The following TUSC3 variants were observed in gnomAD, a reference collection of about 807,000 sequenced individuals.
The protein encoded by TUSC3 is dolichyl-diphosphooligosaccharide--protein glycosyltransferase subunit TUSC3.
Under a neutral mutation model 44.8 loss-of-function variants are expected in TUSC3, and 45 were observed. The observed-to-expected ratio is 1.00, with a 90% confidence interval of 0.79 to 1.29. TUSC3 has a LOEUF of 1.29. Among genes scored for constraint, TUSC3 ranks in the 50% most tolerant of loss-of-function variants. TUSC3 has a pLI of 0.00. For synonymous variants in TUSC3, 212 were observed against 152.9 expected, an observed-to-expected ratio of 1.39 and a Z score of -2.85; for missense variants, 519 against 437.9, an observed-to-expected ratio of 1.19 and a Z score of -1.65.
intron 1 of TUSC3, among the ~76,000 whole-genome samples, chr8:15,432,039 G>A (rs925236063): frequency 6.6e-6 from 1 of 151,620 alleles, no homozygotes; most frequent in South Asian, 2.1e-4. Context: ...GAGGATTTTT[G>A]TATCTGTGTT....
At chr8:15,521,087 G>A (rs779938394) in intron 2 of TUSC3, among the ~76,000 whole-genome samples, 1 of 152,160 alleles carries the variant, frequency 6.6e-6, no homozygotes, top group Non-Finnish European at 1.5e-5. Context: ...TACATACAGG[G>A]CATTCCTGGA....
the TUSC3 span, among the ~76,000 whole-genome samples, chr8:15,778,107 AAAAAC>A: frequency 3.0e-4 from 31 of 104,510 alleles, no homozygotes; most frequent in South Asian, 7.1e-4. Context: ...GGCAAAAAAA[AAAAAC>A]AAAAAACCAA....
chr8:15,614,766 A>G (rs1804918265), intron 1 of TUSC3, among the ~76,000 whole-genome samples: 1 of 152,138 alleles, frequency 6.6e-6, no homozygotes, highest in Non-Finnish European at 1.5e-5. Context: ...TGCCTTGGAC[A>G]TAGTAATCTG....
chr8:15,743,968 T>C (rs1811300786), intron 8 of TUSC3, among the ~76,000 whole-genome samples: 1 of 152,164 alleles, frequency 6.6e-6, no homozygotes, highest in East Asian at 1.9e-4. Context: ...TATTGGCATG[T>C]AACATATTCC....
At chr8:15,456,140 T>A (rs1278091077) in intron 1 of TUSC3, among the ~76,000 whole-genome samples, 4 of 152,178 alleles carry the variant, frequency 2.6e-5, no homozygotes, top group Admixed American at 2.0e-4. Flanking sequence ...TCCTCACTCC[T>A]TTCCTCACAC....
the TUSC3 span, among the ~76,000 whole-genome samples, chr8:15,782,610 T>A: frequency 6.6e-6 from 1 of 152,332 alleles, no homozygotes; most frequent in Non-Finnish European, 1.5e-5. Flanking sequence ...TAATTCACCA[T>A]ATTAACAGAA....
chr8:15,722,985 G>A (rs1457077163), intron 6 of TUSC3, among the ~76,000 whole-genome samples: 1 of 152,076 alleles, frequency 6.6e-6, no homozygotes, highest in Non-Finnish European at 1.5e-5. Context: ...CTCATTAGTA[G>A]TACAAATTTC....
chr8:15,438,933 C>G (rs193002286), intron 1 of TUSC3, among the ~76,000 whole-genome samples: 1 of 152,062 alleles, frequency 6.6e-6, no homozygotes, highest in Non-Finnish European at 1.5e-5. Context: ...ATGGTGTGGT[C>G]GCAAGGAGAG....
intron 1 of TUSC3, among the ~76,000 whole-genome samples, chr8:15,601,584 A>T (rs1260986583): frequency 6.6e-6 from 1 of 151,752 alleles, no homozygotes; most frequent in African/African-American, 2.4e-5. Flanking sequence ...GGTTACTTCC[A>T]TAATTATTTA....
At chr8:15,840,526 A>T in the TUSC3 span, among the ~76,000 whole-genome samples, 1 of 152,196 alleles carries the variant, frequency 6.6e-6, no homozygotes, top group Non-Finnish European at 1.5e-5. Flanking sequence ...AAATTATTTT[A>T]AAATGTCAAT....
At chr8:15,491,437 A>G (rs1447814090) in intron 2 of TUSC3, among the ~76,000 whole-genome samples, 3 of 148,316 alleles carry the variant, frequency 2.0e-5, no homozygotes, top group African/African-American at 4.9e-5. Context: ...CAGGATCCCA[A>G]TTTTTTTTTT....
chr8:15,768,409 A>C (rs563180501), downstream of TUSC3, among the ~76,000 whole-genome samples: 26 of 152,242 alleles, frequency 1.7e-4, no homozygotes, highest in South Asian at 4.8e-3. Context: ...TTAAAACATG[A>C]GGCATATGAA....
At chr8:15,604,983 C>A (rs749122960) in intron 1 of TUSC3, among the ~76,000 whole-genome samples, 1 of 151,758 alleles carries the variant, frequency 6.6e-6, no homozygotes, top group Non-Finnish European at 1.5e-5. Flanking sequence ...TAAAGAGATA[C>A]ATAAAACTCT....
At chr8:15,587,516 A>T (rs142298720) in intron 1 of TUSC3, among the ~76,000 whole-genome samples, 116 of 152,290 alleles carry the variant, frequency 7.6e-4, no homozygotes, top group African/African-American at 2.7e-3. Context: ...CAATGATCAA[A>T]TCAGGGTAAT....
the TUSC3 span, among the ~76,000 whole-genome samples, chr8:15,808,705 C>A: frequency 1.3e-5 from 2 of 152,084 alleles, no homozygotes; most frequent in Admixed American, 1.3e-4. Flanking sequence ...AGTGGCTTCT[C>A]CATTTTTGAC....
At chr8:15,789,787 A>G in the TUSC3 span, among the ~76,000 whole-genome samples, 1 of 152,188 alleles carries the variant, frequency 6.6e-6, no homozygotes, top group Non-Finnish European at 1.5e-5. Context: ...GCTCTCAATG[A>G]CCTTAAAAGT....
At chr8:15,686,488 G>A (rs1445821670) in intron 6 of TUSC3, among the ~76,000 whole-genome samples, 7 of 151,722 alleles carry the variant, frequency 4.6e-5, no homozygotes, top group Admixed American at 4.6e-4. Context: ...TTATCATCGA[G>A]GCATTTTTTT....
chr8:15,746,808 T>A (rs746605980), intron 8 of TUSC3, among the ~76,000 whole-genome samples: 1 of 152,092 alleles, frequency 6.6e-6, no homozygotes, highest in Non-Finnish European at 1.5e-5. Context: ...TTGGGAAGTA[T>A]AGAGTAAATA....
chr8:15,579,181 A>G (rs1308643728), intron 1 of TUSC3, among the ~76,000 whole-genome samples: 8 of 148,436 alleles, frequency 5.4e-5, no homozygotes, highest in Non-Finnish European at 1.2e-4. Context: ...ATCATTTTTT[A>G]TTGTGTCTAT....
Sources: allele counts gnomAD v4.1 joint callset (sites outside exome capture counted in the v4.1 genomes callset), GRCh38; gene constraint gnomAD v4.1.1; transcripts MANE v1.5; gene names NCBI Gene and HGNC (gene_info 2026-07-23, HGNC 2026-07-21).